BAALC: variants seen among roughly 807,000 people sequenced by gnomAD.
BAALC encodes the protein BAALC binder of MAP3K1 and KLF4.
In BAALC, 9 loss-of-function variants were observed where a neutral mutation model predicts 15.5. The observed-to-expected ratio is 0.58, with a 90% CI of 0.35 to 1.02. The LOEUF (loss-of-function observed/expected upper bound fraction) is 1.02, where lower values mean the gene tolerates loss of function less well. Among genes scored for constraint, BAALC ranks in the 50% least tolerant of loss-of-function variants. The pLI is 0.02. For missense variants in BAALC, 201 were observed against 192.4 expected, an observed-to-expected ratio of 1.04 and a Z score of -0.27; for synonymous variants, 80 against 74.6, an observed-to-expected ratio of 1.07 and a Z score of -0.37.
intron 1 of BAALC, among the ~76,000 whole-genome samples, chr8:103,197,052 C>A (rs1812113538): frequency 1.3e-5 from 2 of 152,164 alleles, no homozygotes; most frequent in African/African-American, 4.8e-5. Flanking sequence ...TATGCTTCAC[C>A]CTAGAGGAGT....
intron 1 of BAALC, among the ~76,000 whole-genome samples, chr8:103,210,706 A>G (rs1812430739): frequency 6.6e-6 from 1 of 152,266 alleles, no homozygotes; most frequent in Admixed American, 6.5e-5. Flanking sequence ...TATAAATAAT[A>G]TAACATCTTT....
rs913197661 is a variant in BAALC at position 103,229,454 on chromosome 8, T to C, written c.*1355T>C. 6.6e-6 allele frequency: 1 copy of C among 152,234 alleles called. No individual in the cohort carries two copies. The highest frequency in any genetic ancestry group is 6.5e-5 in the Admixed American group (1 of 15,286). 9.4% of individuals were successfully genotyped at this position (152,234 alleles called of 1,614,324 possible). ...TCCTTATCTGCTAACTCTGTTATTC[T>C]TCAAACACAAGTGGGTAGTGTCATT... is the stretch of plus-strand genomic sequence containing the variant. On this transcript the variant is annotated 3_prime_UTR_variant, in exon 3 of 3. Transcript: ENST00000309982.
rs974954211 is a variant in BAALC, at chr8:103,229,610, T to TAACA, written c.*1512_*1515dup. The TAACA allele has an allele frequency of 9.2e-5, 14 of 152,334 alleles. No individual in the cohort carries two copies. The highest frequency in any genetic ancestry group is 3.4e-4 in the African/African-American group (14 of 41,580). The allele number at this position is 152,334 out of a possible 1,614,324, so 9.4% of individuals were successfully genotyped here. On this transcript the variant is annotated 3_prime_UTR_variant, in exon 3 of 3. Coordinates refer to ENST00000309982, the MANE Select transcript of BAALC (RefSeq NM_024812.3). ...TAGTCGTGACTATCTATCCTGAATC[T>TAACA]AACAGTGACTTCATAACTAGGAGAC...
chr8:103,180,135 T>C (rs1428187539), intron 1 of BAALC, among the ~76,000 whole-genome samples: 1 of 152,172 alleles, frequency 6.6e-6, no homozygotes, highest in East Asian at 1.9e-4. Context: ...AGCAGATTTA[T>C]AGCCAAGAGA....
intron 1 of BAALC, among the ~76,000 whole-genome samples, chr8:103,181,195 T>A (rs1388477201): frequency 6.6e-6 from 1 of 152,152 alleles, no homozygotes; most frequent in African/African-American, 2.4e-5. Context: ...GGGGAGGGAA[T>A]TAGCAATTTT....
intron 1 of BAALC, among the ~76,000 whole-genome samples, chr8:103,145,969 T>C (rs1015256061): frequency 6.6e-6 from 1 of 152,230 alleles, no homozygotes; most frequent in Non-Finnish European, 1.5e-5. Context: ...GAAAACAATA[T>C]TCTAGGTCTT....
chr8:103,171,627 TC>T (rs1258259563), intron 1 of BAALC, among the ~76,000 whole-genome samples: 2 of 152,180 alleles, frequency 1.3e-5, no homozygotes, highest in African/African-American at 4.8e-5. Context: ...CTATAGCTTT[TC>T]CCAAAGAGCT....
intron 2 of BAALC, 73 bp downstream of exon 2, chr8:103,213,158 C>A: frequency 6.7e-7 from 1 of 1,502,550 alleles, no homozygotes. Context: ...CAGAGCCACC[C>A]AGCCGCTATG....
In BAALC at chr8:103,228,312, C is replaced by T. The variant is rs1277325872; in HGVS notation, c.*213C>T. On this transcript the variant is annotated 3_prime_UTR_variant, in exon 3 of 3. Coordinates refer to ENST00000309982, the MANE Select transcript of BAALC (RefSeq NM_024812.3). The stretch of plus-strand genomic sequence containing the variant: ...ATCATGTAAATGTATTGGCACAGTG[C>T]TTACATATGTTAATAAACTGCAAAT... The T allele has an allele frequency of 6.1e-6, 3 of 494,598 alleles. No individual in the cohort carries two copies. Among genetic ancestry groups the T allele is most frequent in the Admixed American group, 7.3e-5 (2 of 27,318 alleles). 30.6% of individuals were successfully genotyped at this position (494,598 alleles called of 1,614,324 possible). A position where few individuals can be genotyped will look rare whatever the true frequency, so the allele number is the denominator to read the frequency against.
At chr8:103,214,573 C>T (rs548039369) in intron 2 of BAALC, among the ~76,000 whole-genome samples, 1 of 152,320 alleles carries the variant, frequency 6.6e-6, no homozygotes, top group Non-Finnish European at 1.5e-5. Flanking sequence ...CAGTGAGTTG[C>T]CTCTCTAAGT....
intron 1 of BAALC, among the ~76,000 whole-genome samples, chr8:103,173,907 C>T (rs1344875147): frequency 6.6e-6 from 1 of 152,168 alleles, no homozygotes; most frequent in Non-Finnish European, 1.5e-5. Context: ...TCCTTGCCCA[C>T]AGACTTGTAG....
chr8:103,142,604 T>G (rs1043576344), intron 1 of BAALC, among the ~76,000 whole-genome samples: 2 of 152,208 alleles, frequency 1.3e-5, no homozygotes, highest in East Asian at 1.9e-4. Context: ...AGATCTAGCA[T>G]GAAAAAAATA....
At chr8:103,178,473 G>A (rs943126159) in intron 1 of BAALC, among the ~76,000 whole-genome samples, 3 of 152,196 alleles carry the variant, frequency 2.0e-5, no homozygotes, top group African/African-American at 7.2e-5. Context: ...CTACAATTCT[G>A]TAAGATGTTA....
At chr8:103,205,825 G>A (rs1812315186) in intron 1 of BAALC, among the ~76,000 whole-genome samples, 1 of 152,176 alleles carries the variant, frequency 6.6e-6, no homozygotes, top group Non-Finnish European at 1.5e-5. Flanking sequence ...CGGAACCTGG[G>A]TTAAACTTCA....
chr8:103,141,291 A>C, intron 1 of BAALC: 3 of 474,118 alleles, frequency 6.3e-6, no homozygotes, highest in Non-Finnish European at 1.1e-5. Context: ...CAGCAGCCCA[A>C]TGCTCTTTGG....
intron 1 of BAALC, among the ~76,000 whole-genome samples, chr8:103,184,458 G>C (rs1811790966): frequency 6.6e-6 from 1 of 152,158 alleles, no homozygotes; most frequent in Non-Finnish European, 1.5e-5. Context: ...ACAGTGTTAG[G>C]TACTTTATAA....
Position 103,212,831 on chromosome 8 carries a change from G to A in BAALC, c.161-88G>A. The A allele has an allele frequency of 2.1e-6, 3 of 1,413,830 alleles. No individual in the cohort carries two copies. The South Asian group carries it at 4.7e-5, about 22-fold the overall frequency. 87.6% of individuals were successfully genotyped at this position (1,413,830 alleles called of 1,614,324 possible). A position where few individuals can be genotyped will look rare whatever the true frequency, so the allele number is the denominator to read the frequency against. On this transcript the variant is annotated intron_variant, in intron 1 of 2. Transcript: ENST00000309982. ...CTGGCAACTTTTGTTTTTTCATTTT[G>A]ACTATCTGTTTCTCCACCATTTTGG...
chr8:103,150,602 T>A (rs1271772413), intron 1 of BAALC, among the ~76,000 whole-genome samples: 2 of 152,230 alleles, frequency 1.3e-5, no homozygotes, highest in Non-Finnish European at 2.9e-5. Flanking sequence ...TTTCTTAATC[T>A]AACACAATCT....
intron 1 of BAALC, among the ~76,000 whole-genome samples, chr8:103,185,437 G>A (rs1009047649): frequency 6.6e-6 from 1 of 152,002 alleles, no homozygotes; most frequent in Non-Finnish European, 1.5e-5. Context: ...ATAATAGTTT[G>A]AAGTCTTTGC....
Sources: gnomAD v4.1 joint callset for allele counts (sites outside exome capture counted in the v4.1 genomes callset) on GRCh38, gnomAD v4.1.1 for gene constraint, MANE v1.5 for transcripts, NCBI Gene and HGNC (gene_info 2026-07-23, HGNC 2026-07-21) for gene names.